IL1RAPL1: variants seen among roughly 807,000 people sequenced by gnomAD.
IL1RAPL1 encodes the protein interleukin 1 receptor accessory protein like 1, also known as interleukin-1 receptor accessory protein-like 1.
A neutral mutation model predicts 48.4 loss-of-function variants in IL1RAPL1; 3 were observed. The ratio of observed to expected loss-of-function variants is 0.06; its 90% CI spans 0.03 to 0.16. The LOEUF is 0.16. Among genes scored for constraint, IL1RAPL1 ranks in the 10% least tolerant of loss-of-function variants. IL1RAPL1 has a pLI of 1.00. For missense variants in IL1RAPL1, 349 were observed against 530.6 expected, an observed-to-expected ratio of 0.66 and a Z score of 3.36; for synonymous variants, 185 against 187.7, an observed-to-expected ratio of 0.99 and a Z score of 0.12.
At chrX:29,913,776 C>CA (rs200643754) in intron 6 of IL1RAPL1, among the ~76,000 whole-genome samples, 3,267 of 110,809 alleles carry the variant, frequency 0.029, 117 homozygotes, top group African/African-American at 0.099. Context: ...AATCTTCCCT[C>CA]AACTTCCCAT....
At chrX:29,022,050 T>G (rs1926381475) in intron 2 of IL1RAPL1, among the ~76,000 whole-genome samples, 1 of 111,917 alleles carries the variant, frequency 8.9e-6, no homozygotes, top group Non-Finnish European at 1.9e-5. Context: ...GATTCCCTTT[T>G]TGGACTTTTC....
intron 2 of IL1RAPL1, among the ~76,000 whole-genome samples, chrX:28,888,436 T>A (rs1353886148): frequency 9.0e-6 from 1 of 111,655 alleles, no homozygotes; most frequent in Non-Finnish European, 1.9e-5. Flanking sequence ...TGTTACTAAT[T>A]ACCTCTGATT....
At chrX:29,070,286 G>A (rs546643281) in intron 2 of IL1RAPL1, among the ~76,000 whole-genome samples, 5 of 111,439 alleles carry the variant, frequency 4.5e-5, no homozygotes, top group African/African-American at 1.3e-4. Flanking sequence ...GATTCTATTC[G>A]CTAGCTTATG....
Position 28,729,923 on chromosome X carries a change from G to C in IL1RAPL1, c.-24-59397G>C, listed in dbSNP as rs767065603. 3.6e-5 allele frequency among the ~76,000 whole-genome samples: 4 copies of C among 111,311 alleles called. No homozygotes were observed. The East Asian group carries it at 1.1e-3, about 31-fold the overall frequency. ...AGGCAGGAGAATGGCGTGAACCCAG[G>C]AGGCGGAGCTTGCAGTGAGCCAAGA... On this transcript the variant is annotated intron_variant, in intron 1 of 10. Coordinates refer to ENST00000378993, the MANE Select transcript of IL1RAPL1 (RefSeq NM_014271.4).
intron 3 of IL1RAPL1, among the ~76,000 whole-genome samples, chrX:29,342,024 G>C (rs1046993023): frequency 2.4e-4 from 26 of 109,838 alleles, no homozygotes; most frequent in Non-Finnish European, 4.7e-4. Flanking sequence ...GGCCAGGCTG[G>C]TCTTGAACTC....
chrX:29,838,362 A>G (rs1032769453), intron 6 of IL1RAPL1, among the ~76,000 whole-genome samples: 2 of 112,525 alleles, frequency 1.8e-5, no homozygotes, highest in African/African-American at 6.5e-5. Context: ...TGAGGCTGCT[A>G]TTAATCCCTT....
chrX:28,820,656 A>T (rs139727111), intron 2 of IL1RAPL1, among the ~76,000 whole-genome samples: 1 of 111,793 alleles, frequency 8.9e-6, no homozygotes, highest in East Asian at 2.8e-4. Flanking sequence ...AACCAATGGA[A>T]AAACTGAAAA....
chrX:28,863,382 C>T (rs1356679286), intron 2 of IL1RAPL1, among the ~76,000 whole-genome samples: 2 of 103,536 alleles, frequency 1.9e-5, no homozygotes, highest in African/African-American at 7.1e-5. Context: ...CCTTGATTTA[C>T]AGAAACAGAT....
At chrX:28,934,772 T>G (rs1923973149) in intron 2 of IL1RAPL1, among the ~76,000 whole-genome samples, 1 of 112,342 alleles carries the variant, frequency 8.9e-6, no homozygotes, top group African/African-American at 3.2e-5. Context: ...CACATTTTAT[T>G]TATCTGTTCA....
chrX:28,788,383 A>G lies in IL1RAPL1; in HGVS notation c.-24-937A>G, dbSNP rs145286772. ...ATTTCTCCTTTAGAAATCCAAACAC[A>G]CTAGGTTAGTGTCCCTTCTTATATT... On this transcript the variant is annotated intron_variant, in intron 1 of 10. Transcript: ENST00000378993. Among the ~76,000 whole-genome samples, 481 of 112,088 alleles carry G rather than the reference A, an allele frequency of 4.3e-3. 6 individuals are homozygous for G. Among genetic ancestry groups the G allele is most frequent in the African/African-American group, 0.015 (461 of 30,861 alleles).
intron 2 of IL1RAPL1, among the ~76,000 whole-genome samples, chrX:29,051,926 T>C: frequency 8.9e-6 from 1 of 112,053 alleles, no homozygotes; most frequent in Non-Finnish European, 1.9e-5. Flanking sequence ...TGGCAAGCAA[T>C]GGAAAACATT....
intron 2 of IL1RAPL1, among the ~76,000 whole-genome samples, chrX:28,833,356 G>A (rs1371973896): frequency 9.0e-6 from 1 of 111,280 alleles, no homozygotes; most frequent in Non-Finnish European, 1.9e-5. Flanking sequence ...GAGATTGCTG[G>A]GTCAAGTGGT....
chrX:28,968,670 A>G (rs1464315137), intron 2 of IL1RAPL1, among the ~76,000 whole-genome samples: 1 of 112,880 alleles, frequency 8.9e-6, no homozygotes, highest in African/African-American at 3.2e-5. Context: ...TATATAATAA[A>G]TATGGAAGCA....
rs1339902658 is a variant in IL1RAPL1 at position 29,384,300 on chromosome X, A to G, written c.363-11958A>G. Among the ~76,000 whole-genome samples the G allele has an allele frequency of 1.5e-4, 17 of 111,831 alleles. No individual in the cohort carries two copies. The Admixed American group carries it at 1.6e-3, about 11-fold the overall frequency. ...AAGAGAAGAAGGAAGTCATGTTACC[A>G]GAACCCAGAAACTGAAAGGATAGAT... is the stretch of plus-strand genomic sequence containing the variant. On this transcript the variant is annotated intron_variant, in intron 3 of 10. Transcript: ENST00000378993.
chrX:28,766,501 G>A (rs1174716829), intron 1 of IL1RAPL1, among the ~76,000 whole-genome samples: 1 of 111,150 alleles, frequency 9.0e-6, no homozygotes, highest in Non-Finnish European at 1.9e-5. Context: ...GGAGAATAGG[G>A]TATCCGTCCC....
chrX:29,076,868 A>G (rs1343331304), intron 2 of IL1RAPL1, among the ~76,000 whole-genome samples: 1 of 107,851 alleles, frequency 9.3e-6, no homozygotes, highest in Non-Finnish European at 1.9e-5. Context: ...ATATGAAAGG[A>G]AAATGAAAAG....
chrX:28,880,098 A>G (rs1390904307), intron 2 of IL1RAPL1, among the ~76,000 whole-genome samples: 1 of 112,631 alleles, frequency 8.9e-6, no homozygotes, highest in African/African-American at 3.2e-5. Flanking sequence ...TATTCAATTC[A>G]TATATGAATG....
chrX:29,467,730 G>A lies in IL1RAPL1; in HGVS notation c.703+68422G>A, dbSNP rs779223380. Among the ~76,000 whole-genome samples the A allele has an allele frequency of 4.7e-3, 527 of 112,421 alleles. 3 individuals are homozygous for A. Among genetic ancestry groups the A allele is most frequent in the African/African-American group, 0.017 (512 of 30,926 alleles). ...GCAATAAAATACTTCAATAGCTGGG[G>A]CTAGAACTCTGATGCCTTTATTCCC... On this transcript the variant is annotated intron_variant, in intron 5 of 10. Coordinates refer to ENST00000378993, the MANE Select transcript of IL1RAPL1 (RefSeq NM_014271.4).
chrX:28,633,055 AT>A (rs1601840980), intron 1 of IL1RAPL1, among the ~76,000 whole-genome samples: 1 of 109,461 alleles, frequency 9.1e-6, no homozygotes, highest in African/African-American at 3.3e-5. Context: ...CACCTGGCTA[AT>A]TTTTGTATTT....
Sources: gnomAD v4.1 joint callset for allele counts (sites outside exome capture counted in the v4.1 genomes callset) on GRCh38, gnomAD v4.1.1 for gene constraint, MANE v1.5 for transcripts, NCBI Gene and HGNC (gene_info 2026-07-23, HGNC 2026-07-21) for gene names.